CADM2: variants seen among roughly 807,000 people sequenced by gnomAD.
The protein encoded by CADM2 is cell adhesion molecule 2.
In CADM2, 12 loss-of-function variants were observed where a neutral mutation model predicts 49.8. The observed-to-expected ratio is 0.24, with a 90% CI of 0.15 to 0.39. The LOEUF (loss-of-function observed/expected upper bound fraction) is 0.39, where lower values mean the gene tolerates loss of function less well. Among genes scored for constraint, CADM2 ranks in the 10% least tolerant of loss-of-function variants. The pLI, the probability that CADM2 is intolerant of heterozygous loss-of-function variation, is 1.00. For missense variants in CADM2, 378 were observed against 492.3 expected (o/e 0.77, Z 2.20); for synonymous variants, 214 against 175.4 (o/e 1.22, Z -1.74).
chr3:85,263,204 G>A (rs932068427), intron 1 of CADM2, among the ~76,000 whole-genome samples: 4 of 151,962 alleles, frequency 2.6e-5, no homozygotes, highest in African/African-American at 9.7e-5. Context: ...GTGTTGCCCA[G>A]TCTGATCTCC....
intron 2 of CADM2, among the ~76,000 whole-genome samples, chr3:85,790,714 A>C (rs555521858): frequency 6.0e-4 from 91 of 152,304 alleles, no homozygotes; most frequent in Non-Finnish European, 1.2e-3. Flanking sequence ...CCAATCTGGC[A>C]CTGTTACACT....
chr3:85,296,889 C>T (rs996751449), intron 1 of CADM2, among the ~76,000 whole-genome samples: 20 of 151,956 alleles, frequency 1.3e-4, no homozygotes, highest in African/African-American at 4.6e-4. Flanking sequence ...AACAATGTCC[C>T]ATATTTCTAG....
At chr3:85,982,734 T>C (rs1727631302) in intron 8 of CADM2, among the ~76,000 whole-genome samples, 1 of 151,680 alleles carries the variant, frequency 6.6e-6, no homozygotes, top group East Asian at 1.9e-4. Flanking sequence ...AACTTTTAGA[T>C]GCAATTATAT....
intron 1 of CADM2, among the ~76,000 whole-genome samples, chr3:85,472,969 G>C (rs556243705): frequency 6.6e-6 from 1 of 152,038 alleles, no homozygotes; most frequent in South Asian, 2.1e-4. Context: ...TGAACCATCA[G>C]TTTCTTACAC....
At chr3:85,630,493 G>A (rs2064276083) in intron 1 of CADM2, among the ~76,000 whole-genome samples, 1 of 151,816 alleles carries the variant, frequency 6.6e-6, no homozygotes, top group Non-Finnish European at 1.5e-5. Flanking sequence ...AAATATTCAG[G>A]TATATAAAAT....
At chr3:85,033,788 A>T (rs1312804042) in intron 1 of CADM2, among the ~76,000 whole-genome samples, 1 of 152,000 alleles carries the variant, frequency 6.6e-6, no homozygotes, top group African/African-American at 2.4e-5. Context: ...ATATATCAGG[A>T]TCAAAAAGAG....
intron 1 of CADM2, among the ~76,000 whole-genome samples, chr3:85,011,646 A>G (rs1295468033): frequency 6.6e-6 from 1 of 152,156 alleles, no homozygotes; most frequent in African/African-American, 2.4e-5. Context: ...TTTTATGTTT[A>G]AAACCTTTTG....
chr3:85,676,115 A>G (rs1489188840), intron 1 of CADM2, among the ~76,000 whole-genome samples: 1 of 152,188 alleles, frequency 6.6e-6, no homozygotes. Context: ...CATCTTCCTG[A>G]TTCCCATTGA....
intron 1 of CADM2, among the ~76,000 whole-genome samples, chr3:84,979,366 C>A (rs2032024604): frequency 6.6e-6 from 1 of 151,958 alleles, no homozygotes. Flanking sequence ...TTACTGATAT[C>A]TAAGTATATA....
chr3:85,377,468 C>G (rs537972737), intron 1 of CADM2, among the ~76,000 whole-genome samples: 1 of 152,160 alleles, frequency 6.6e-6, no homozygotes, highest in South Asian at 2.1e-4. Context: ...CATGGACAAC[C>G]TCACAGGTAA....
At chr3:85,876,198 C>A (rs1711814240) in intron 3 of CADM2, among the ~76,000 whole-genome samples, 1 of 152,154 alleles carries the variant, frequency 6.6e-6, no homozygotes, top group African/African-American at 2.4e-5. Flanking sequence ...TTGAGAATTA[C>A]ATAGCCAAGG....
intron 1 of CADM2, among the ~76,000 whole-genome samples, chr3:85,640,430 G>A (rs1238323753): frequency 3.3e-5 from 5 of 152,200 alleles, no homozygotes; most frequent in Non-Finnish European, 1.5e-5. Flanking sequence ...TTATGGGAGA[G>A]TAATGTTTAT....
intron 1 of CADM2, among the ~76,000 whole-genome samples, chr3:85,659,141 G>A (rs2065317314): frequency 6.6e-6 from 1 of 151,102 alleles, no homozygotes; most frequent in Non-Finnish European, 1.5e-5. Context: ...TCCAAGCACC[G>A]TGGAGGATAT....
chr3:85,666,965 T>G (rs1226850733), intron 1 of CADM2, among the ~76,000 whole-genome samples: 1 of 152,036 alleles, frequency 6.6e-6, no homozygotes, highest in Non-Finnish European at 1.5e-5. Flanking sequence ...TCCGTGAAGA[T>G]TTTACTGCTA....
At chr3:85,442,733 A>G (rs1483829080) in intron 1 of CADM2, among the ~76,000 whole-genome samples, 2 of 150,594 alleles carry the variant, frequency 1.3e-5, no homozygotes, top group Non-Finnish European at 3.0e-5. Context: ...AGTATAAAAA[A>G]GTGACATAAG....
chr3:85,104,888 A>G (rs2038152675), intron 1 of CADM2, among the ~76,000 whole-genome samples: 1 of 152,168 alleles, frequency 6.6e-6, no homozygotes, highest in South Asian at 2.1e-4. Flanking sequence ...ATTGGTGTAT[A>G]AGAATGCTTG....
intron 1 of CADM2, among the ~76,000 whole-genome samples, chr3:85,147,568 GTTTTC>G (rs2039788895): frequency 6.6e-6 from 1 of 151,814 alleles, no homozygotes; most frequent in African/African-American, 2.4e-5. Context: ...ATCCATATTG[GTTTTC>G]TTTTCTTTAT....
intron 5 of CADM2, among the ~76,000 whole-genome samples, chr3:85,910,603 G>T (rs142607278): frequency 6.6e-6 from 1 of 151,964 alleles, no homozygotes; most frequent in Non-Finnish European, 1.5e-5. Flanking sequence ...ACAATTCTGC[G>T]TATAATTTTG....
chr3:84,978,533 T>C (rs1166443629), intron 1 of CADM2, among the ~76,000 whole-genome samples: 1 of 152,172 alleles, frequency 6.6e-6, no homozygotes, highest in Non-Finnish European at 1.5e-5. Context: ...TGAAAAACAT[T>C]TGTAATTGTG....
Sources: allele counts gnomAD v4.1 joint callset (sites outside exome capture counted in the v4.1 genomes callset), GRCh38; gene constraint gnomAD v4.1.1; transcripts MANE v1.5; gene names NCBI Gene and HGNC (gene_info 2026-07-23, HGNC 2026-07-21).